The following RMC1 variants were observed in gnomAD, a reference collection of about 807,000 sequenced individuals.
RMC1 encodes regulator of MON1-CCZ1.
RMC1 carries 44 observed loss-of-function variants against 95.5 expected under a neutral mutation model. That is an observed-to-expected ratio of 0.46 (90% CI 0.36 to 0.59). RMC1 has a LOEUF of 0.59. Among genes scored for constraint, RMC1 ranks in the 20% least tolerant of loss-of-function variants. RMC1 has a pLI of 0.00. For missense variants in RMC1, 705 were observed against 819.6 expected (o/e 0.86, Z 1.71); for synonymous variants, 320 against 303.6 (o/e 1.05, Z -0.56).
chr18:23,503,695 T>G lies in RMC1; in HGVS notation c.77T>G (p.Val26Gly). The G allele has an allele frequency of 6.3e-7, 1 of 1,592,852 alleles. No homozygotes were observed. Reference sequence around the variant, plus strand: ...GAGAAGGCGAACCCTGTCAACTGCGTCTTCTTCGATGAGGCCAACAAGCAG... The same window carrying G: ...GAGAAGGCGAACCCTGTCAACTGCGGCTTCTTCGATGAGGCCAACAAGCAG... ...QFEKANPVNCVFFDEANKQVF... is the reference protein window; with the variant it reads ...QFEKANPVNCGFFDEANKQVF... The change falls in exon 1 of 20, where the codon GTC becomes GGC. Residue 26 changes from valine (V) to glycine (G), a missense_variant. Coordinates refer to ENST00000269221, the MANE Select transcript of RMC1 (RefSeq NM_013326.5).
intron 19 of RMC1, 111 bp from the exon 20 acceptor site, chr18:23,531,514 A>G (rs2058506680): frequency 6.6e-7 from 1 of 1,505,550 alleles, no homozygotes; most frequent in Non-Finnish European, 8.8e-7. Flanking sequence ...AAAACAATGT[A>G]TTTTATTAAA....
intron 7 of RMC1, among the ~76,000 whole-genome samples, chr18:23,516,700 A>G (rs2058014929): frequency 1.3e-5 from 2 of 149,564 alleles, no homozygotes; most frequent in African/African-American, 4.9e-5. Flanking sequence ...TTTATTTCTT[A>G]GTATCTTTGT....
intron 14 of RMC1, chr18:23,528,423 C>G (rs2058373088): frequency 6.5e-6 from 1 of 153,822 alleles, no homozygotes; most frequent in Admixed American, 6.4e-5. Flanking sequence ...ACTTGTACAT[C>G]ATATCTTCTG....
rs2057785287 is a variant in RMC1, at chr18:23,509,173, T to C, written c.322-20T>C. The C allele has an allele frequency of 2.6e-6, 3 of 1,132,788 alleles. No individual in the cohort carries two copies. The highest frequency in any genetic ancestry group is 1.2e-6 in the Non-Finnish European group (1 of 847,124). 70.2% of individuals were successfully genotyped at this position (1,132,788 alleles called of 1,614,324 possible). On this transcript the variant is annotated intron_variant, in intron 4 of 19. Transcript: ENST00000269221. ...GTTTTTTCTTATTAATTAAAAATATTTTTAAAAAATTTTTCTTAGACTAAG... is the reference window on the plus strand; with the variant it reads ...GTTTTTTCTTATTAATTAAAAATATCTTTAAAAAATTTTTCTTAGACTAAG...
At chr18:23,505,455 A>G (rs1255986817) in intron 2 of RMC1, among the ~76,000 whole-genome samples, 3 of 152,220 alleles carry the variant, frequency 2.0e-5, no homozygotes, top group African/African-American at 7.2e-5. Context: ...GTGTCTCCAC[A>G]GGGAAGGGGA....
intron 17 of RMC1, 22 bp downstream of exon 17, chr18:23,530,154 C>T: frequency 6.2e-7 from 1 of 1,613,550 alleles, no homozygotes; most frequent in Non-Finnish European, 8.5e-7. Flanking sequence ...CAGATTTTTA[C>T]TTCCATTGTG....
rs943296387 is a variant in RMC1 at position 23,529,219 on chromosome 18, A to T, written c.1337A>T (p.Lys446Met). 3.1e-6 allele frequency: 5 copies of T among 1,613,982 alleles called. No homozygotes were observed. Among genetic ancestry groups the T allele is most frequent in the Non-Finnish European group, 4.2e-6 (5 of 1,180,024 alleles). Residue 446 changes from lysine (K) to methionine (M), a missense_variant, in exon 15 of 20, where the codon AAG becomes ATG. Transcript: ENST00000269221. Reference sequence around the variant, plus strand: ...CAGAGCCGAAGCAGCCCGCTCCTCAAGAGGCCGGTGCGGACCCAGGCGGTG... The same window carrying T: ...CAGAGCCGAAGCAGCCCGCTCCTCATGAGGCCGGTGCGGACCCAGGCGGTG... ...AGQSRSSPLL[K>M]RPVRTQAVLD...
At position 23,516,327 on chromosome 18, in the gene RMC1, C is replaced by G. The variant is rs139940827; in HGVS notation, c.557C>G (p.Thr186Ser). 1.7e-5 allele frequency: 28 copies of G among 1,614,092 alleles called. No homozygotes were observed. Among genetic ancestry groups the G allele is most frequent in the Admixed American group, 3.3e-5 (2 of 60,004 alleles). Reference sequence around the variant, plus strand: ...CATTTTCCCCCTAAACAGGCTGGCACTATGTCGAAGCTGCCCAAATTTGAG... The same window carrying G: ...CATTTTCCCCCTAAACAGGCTGGCAGTATGTCGAAGCTGCCCAAATTTGAG... The part of the protein sequence containing the change: ...VLQPFHFRAG[T>S]MSKLPKFEIE... Residue 186 changes from threonine (T) to serine (S), a missense_variant, in exon 7 of 20, where the codon ACT becomes AGT. Coordinates refer to ENST00000269221, the MANE Select transcript of RMC1 (RefSeq NM_013326.5).
At chr18:23,512,016 C>CTTT (rs34759918) in intron 5 of RMC1, among the ~76,000 whole-genome samples, 4 of 127,222 alleles carry the variant, frequency 3.1e-5, no homozygotes, top group Non-Finnish European at 5.0e-5. Context: ...GGTAGAAAGA[C>CTTT]TTTTTTTTTT....
intron 2 of RMC1, among the ~76,000 whole-genome samples, chr18:23,504,911 G>C (rs536554264): frequency 6.6e-6 from 1 of 152,304 alleles, no homozygotes; most frequent in Non-Finnish European, 1.5e-5. Flanking sequence ...ATGATCAACA[G>C]CAGGGCCTTT....
chr18:23,524,643 A>G (rs758917583), intron 12 of RMC1, among the ~76,000 whole-genome samples, 161 bp downstream of exon 12: 4 of 151,494 alleles, frequency 2.6e-5, no homozygotes, highest in Non-Finnish European at 4.4e-5. Context: ...GTTTTTTACT[A>G]TATGTGCATT....
rs2057992168 is a variant in RMC1 at position 23,515,996 on chromosome 18, G to T, written c.549G>T (p.Arg183Ser). ...LENVLQPFHF[R>S]AGTMSKLPKF... is the part of the protein sequence containing the mutation. Reference sequence around the variant, plus strand: ...ATGTCCTGCAGCCTTTTCACTTTAGGGTAAGAGGAAGCCTCCCCTGAAAAA... The same window carrying T: ...ATGTCCTGCAGCCTTTTCACTTTAGTGTAAGAGGAAGCCTCCCCTGAAAAA... Residue 183 changes from arginine to serine, a missense_variant and splice_region_variant, in exon 6 of 20, where the codon AGG becomes AGT. Physicochemically the swap from Arg to Ser is moderately radical, Grantham distance 110. Transcript: ENST00000269221. The T allele has an allele frequency of 1.9e-6, 3 of 1,613,896 alleles. No individual in the cohort carries two copies. The East Asian group carries it at 6.7e-5, about 36-fold the overall frequency.
At chr18:23,513,936 A>G (rs1363160693) in intron 5 of RMC1, among the ~76,000 whole-genome samples, 1 of 152,172 alleles carries the variant, frequency 6.6e-6, no homozygotes, top group Non-Finnish European at 1.5e-5. Context: ...CTTCTTAGAG[A>G]TACAATTTGC....
intron 4 of RMC1, 91 bp from the exon 5 acceptor site, chr18:23,509,102 A>G: frequency 2.3e-6 from 1 of 433,736 alleles, no homozygotes; most frequent in Non-Finnish European, 3.9e-6. Context: ...TCATTAAAGA[A>G]TGACAAACTG....
At position 23,530,282 on chromosome 18, in the gene RMC1, T is replaced by G; in HGVS notation, c.1653T>G (p.Ser551=). The G allele has an allele frequency of 6.2e-7, 1 of 1,614,228 alleles. No homozygotes were observed. ...TCTATCCTCCTGCTCATCAGCTATC[T>G]CTGGACATGCTGAAGGTAACTCTGA... The part of the protein sequence containing the change: ...ESFYPPAHQL[S]LDMLKRLSTA... The change falls in exon 18 of 20, where the codon TCT becomes TCG. Residue 551 remains serine (S), a synonymous_variant. Transcript: ENST00000269221.
At chr18:23,523,836 G>T (rs1322078262) in intron 10 of RMC1, among the ~76,000 whole-genome samples, 1 of 152,136 alleles carries the variant, frequency 6.6e-6, no homozygotes, top group Non-Finnish European at 1.5e-5. Flanking sequence ...TCCTTAACGT[G>T]CATATGTAAA....
At chr18:23,522,100 A>T (rs1256870372) in intron 10 of RMC1, among the ~76,000 whole-genome samples, 3 of 152,236 alleles carry the variant, frequency 2.0e-5, no homozygotes, top group Admixed American at 2.0e-4. Flanking sequence ...AAGTTCAGCA[A>T]GAGCACCATT....
At chr18:23,517,498 T>C (rs185134945) in intron 7 of RMC1, among the ~76,000 whole-genome samples, 11 of 152,240 alleles carry the variant, frequency 7.2e-5, no homozygotes, top group Admixed American at 2.0e-4. Context: ...GTTTTTAAAT[T>C]TGTAATGAAA....
chr18:23,524,310 C>G (rs902432633), intron 11 of RMC1, 119 bp from the exon 12 acceptor site: 72 of 1,487,026 alleles, frequency 4.8e-5, no homozygotes, highest in Middle Eastern at 3.4e-4. Context: ...CCTGACTGTC[C>G]AGGGGCCTCG....
Sources: allele counts gnomAD v4.1 joint callset (sites outside exome capture counted in the v4.1 genomes callset), GRCh38; gene constraint gnomAD v4.1.1; transcripts MANE v1.5; gene names NCBI Gene and HGNC (gene_info 2026-07-23, HGNC 2026-07-21).